Variants in CCDC7 observed in about 807,000 individuals in gnomAD.
CCDC7 encodes the protein coiled-coil domain-containing protein 7.
A neutral mutation model predicts 196.9 loss-of-function variants in CCDC7; 183 were observed. That is an observed-to-expected ratio of 0.93 (90% CI 0.82 to 1.05). The LOEUF is 1.05. Ranked by LOEUF, CCDC7 falls within the 50% of genes least tolerant of loss-of-function variation. CCDC7 has a pLI of 0.00. For synonymous variants in CCDC7, 525 were observed against 484.6 expected (o/e 1.08, Z -1.10); for missense variants, 1,540 against 1,482.2 (o/e 1.04, Z -0.64).
intron 11 of CCDC7, among the ~76,000 whole-genome samples, chr10:32,519,155 G>A (rs373296203): frequency 1.3e-5 from 2 of 152,222 alleles, no homozygotes; most frequent in South Asian, 4.1e-4. Flanking sequence ...TCTTACACAG[G>A]TGTCAAATAT....
intron 13 of CCDC7, among the ~76,000 whole-genome samples, chr10:32,562,807 G>A (rs2055991288): frequency 6.6e-6 from 1 of 152,054 alleles, no homozygotes; most frequent in Admixed American, 6.5e-5. Flanking sequence ...AGGGCAATTA[G>A]GCAGGAGAAG....
intron 24 of CCDC7, among the ~76,000 whole-genome samples, 172 bp from the exon 26 acceptor site, chr10:32,711,448 T>C (rs1480846485): frequency 6.6e-6 from 1 of 152,180 alleles, no homozygotes; most frequent in Non-Finnish European, 1.5e-5. Flanking sequence ...ATCTTCAACA[T>C]ACATTGAAAC....
At chr10:32,635,120 CTA>C in exon 20 of CCDC7, 1 of 398,700 alleles carries the variant, frequency 2.5e-6, no homozygotes, top group Non-Finnish European at 4.4e-6. Context: ...CAATCTGAAA[CTA>C]AAAATCTTAA....
At chr10:32,778,648 G>T (rs1317849413) in intron 28 of CCDC7, among the ~76,000 whole-genome samples, 1 of 152,156 alleles carries the variant, frequency 6.6e-6, no homozygotes, top group Non-Finnish European at 1.5e-5. Context: ...GCTTAGGATT[G>T]CTTTGGCTAT....
At chr10:32,672,009 G>A (rs752188589) in intron 21 of CCDC7, among the ~76,000 whole-genome samples, 1 of 152,088 alleles carries the variant, frequency 6.6e-6, no homozygotes. Flanking sequence ...TCTTGGTTCC[G>A]GGTCTGACTT....
At chr10:32,694,436 A>G (rs943197993) in intron 23 of CCDC7, among the ~76,000 whole-genome samples, 3 of 152,246 alleles carry the variant, frequency 2.0e-5, no homozygotes, top group Admixed American at 1.3e-4. Flanking sequence ...TTAAGGTCAC[A>G]GTTTCCAAGA....
At chr10:32,619,910 C>CTTTTTTTTTTTTTTTTTTTTTTTTTTT (rs56089046) in intron 18 of CCDC7, among the ~76,000 whole-genome samples, 2 of 79,260 alleles carry the variant, frequency 2.5e-5, no homozygotes, top group African/African-American at 6.5e-5. Context: ...TTCAATGTAC[C>CTTTTTTTTTTTTTTTTTTTTTTTTTTT]TTTTTTTTTT....
intron 38 of CCDC7, among the ~76,000 whole-genome samples, chr10:32,848,118 A>T (rs974018693): frequency 6.6e-5 from 10 of 152,204 alleles, no homozygotes; most frequent in South Asian, 2.1e-4. Flanking sequence ...CAATGATTTT[A>T]AAAAATATGA....
intron 18 of CCDC7, among the ~76,000 whole-genome samples, chr10:32,591,768 CT>C (rs2059802669): frequency 6.6e-6 from 1 of 152,156 alleles, no homozygotes; most frequent in Admixed American, 6.5e-5. Context: ...CTTCAGTTAG[CT>C]TTTGGTGAAT....
chr10:32,463,358 C>T (rs756579877), intron 5 of CCDC7, among the ~76,000 whole-genome samples: 16 of 151,844 alleles, frequency 1.1e-4, no homozygotes, highest in African/African-American at 3.1e-4. Flanking sequence ...ATGAGAGAAC[C>T]TTTCACTTTA....
intron 20 of CCDC7, among the ~76,000 whole-genome samples, chr10:32,652,035 T>G (rs2140171568): frequency 6.6e-6 from 1 of 152,330 alleles, no homozygotes; most frequent in Admixed American, 6.5e-5. Flanking sequence ...CTCCTATTAT[T>G]GTATCACGTT....
chr10:32,841,229 T>C (rs867416882), intron 33 of CCDC7, among the ~76,000 whole-genome samples: 16 of 152,126 alleles, frequency 1.1e-4, no homozygotes, highest in Middle Eastern at 3.4e-3. Context: ...GCTGATGATA[T>C]GATCATATAC....
At chr10:32,647,972 A>C (rs2068067280) in intron 20 of CCDC7, among the ~76,000 whole-genome samples, 1 of 152,248 alleles carries the variant, frequency 6.6e-6, no homozygotes, top group South Asian at 2.1e-4. Flanking sequence ...TCTTACATTT[A>C]AATCTTTAAT....
intron 5 of CCDC7, among the ~76,000 whole-genome samples, chr10:32,464,457 T>G (rs2036337243): frequency 6.6e-6 from 1 of 152,204 alleles, no homozygotes; most frequent in African/African-American, 2.4e-5. Flanking sequence ...ATTTCACTTC[T>G]GTTTTGGATT....
intron 33 of CCDC7, among the ~76,000 whole-genome samples, chr10:32,836,659 C>A (rs887745376): frequency 6.6e-6 from 1 of 152,030 alleles, no homozygotes; most frequent in Non-Finnish European, 1.5e-5. Context: ...TTTCATGTGT[C>A]TTTTGGCTGC....
At chr10:32,554,932 C>A (rs1159085968) in intron 13 of CCDC7, among the ~76,000 whole-genome samples, 1 of 152,146 alleles carries the variant, frequency 6.6e-6, no homozygotes, top group African/African-American at 2.4e-5. Context: ...ATTTTTAGCT[C>A]CCACAAATAA....
At chr10:32,829,815 A>G (rs1474898478) in intron 32 of CCDC7, among the ~76,000 whole-genome samples, 2 of 151,790 alleles carry the variant, frequency 1.3e-5, no homozygotes, top group East Asian at 1.9e-4. Flanking sequence ...GAGTCAGTAG[A>G]CTGGAAAGGC....
chr10:32,668,656 T>C (rs980258503), intron 21 of CCDC7, among the ~76,000 whole-genome samples: 2 of 152,162 alleles, frequency 1.3e-5, no homozygotes, highest in African/African-American at 4.8e-5. Flanking sequence ...TGGTTCTGTT[T>C]ATATGCTGGA....
At chr10:32,707,335 C>T (rs1021204106) in intron 24 of CCDC7, among the ~76,000 whole-genome samples, 1 of 152,108 alleles carries the variant, frequency 6.6e-6, no homozygotes, top group African/African-American at 2.4e-5. Context: ...ATAGTAAGAG[C>T]TCTCTATGAC....
Sources: gnomAD v4.1 joint callset for allele counts (sites outside exome capture counted in the v4.1 genomes callset) on GRCh38, gnomAD v4.1.1 for gene constraint, MANE v1.5 for transcripts, NCBI Gene and HGNC (gene_info 2026-07-23, HGNC 2026-07-21) for gene names.